Variants in MACROD2 observed in about 807,000 individuals in gnomAD.
MACROD2 encodes the protein mono-ADP ribosylhydrolase 2, also known as ADP-ribose glycohydrolase MACROD2.
Under a neutral mutation model 70.4 loss-of-function variants are expected in MACROD2, and 36 were observed. The ratio of observed to expected loss-of-function variants is 0.51; its 90% confidence interval spans 0.39 to 0.68. MACROD2 has a LOEUF of 0.68. Among genes scored for constraint, MACROD2 ranks in the 30% least tolerant of loss-of-function variants. MACROD2 has a pLI of 0.00. For missense variants in MACROD2, 496 were observed against 538.4 expected (o/e 0.92, Z 0.78); for synonymous variants, 172 against 178.8 (o/e 0.96, Z 0.30).
chr20:15,207,496 G>A (rs145637779), intron 5 of MACROD2, among the ~76,000 whole-genome samples: 3,335 of 134,334 alleles, frequency 0.025, 132 homozygotes, highest in African/African-American at 0.093. Flanking sequence ...AGGCTGCAGT[G>A]CAGTGGCATG....
intron 5 of MACROD2, among the ~76,000 whole-genome samples, chr20:14,819,806 T>C (rs192918160): frequency 2.8e-4 from 42 of 152,160 alleles, no homozygotes; most frequent in African/African-American, 1.0e-3. Flanking sequence ...TATTCTAGCA[T>C]TGAAAGGACA....
chr20:15,088,656 A>G (rs890673638), intron 5 of MACROD2, among the ~76,000 whole-genome samples: 3 of 151,658 alleles, frequency 2.0e-5, no homozygotes, highest in Admixed American at 2.0e-4. Flanking sequence ...TGACTGGAAG[A>G]GAGTTGCTGG....
chr20:14,759,743 G>A (rs572162855), intron 5 of MACROD2, among the ~76,000 whole-genome samples: 4 of 152,196 alleles, frequency 2.6e-5, no homozygotes, highest in South Asian at 4.1e-4. Context: ...ACGTAGATAC[G>A]CAGGTTCTTG....
At chr20:16,027,621 C>T (rs1227570696) in intron 15 of MACROD2, among the ~76,000 whole-genome samples, 5 of 152,120 alleles carry the variant, frequency 3.3e-5, no homozygotes, top group Admixed American at 3.3e-4. Context: ...ACATAAAGAA[C>T]CATTGAAAAG....
At chr20:14,117,642 A>G (rs2054532766) in intron 3 of MACROD2, among the ~76,000 whole-genome samples, 1 of 152,156 alleles carries the variant, frequency 6.6e-6, no homozygotes, top group Non-Finnish European at 1.5e-5. Flanking sequence ...TGGTATGTGT[A>G]GGCTAAGGAG....
intron 6 of MACROD2, among the ~76,000 whole-genome samples, chr20:15,233,822 A>G (rs922557460): frequency 6.6e-6 from 1 of 150,782 alleles, no homozygotes; most frequent in African/African-American, 2.4e-5. Flanking sequence ...AAATCGTTTC[A>G]ATTGAAAAAA....
At chr20:14,575,889 T>C (rs1446460426) in intron 4 of MACROD2, among the ~76,000 whole-genome samples, 1 of 152,214 alleles carries the variant, frequency 6.6e-6, no homozygotes, top group East Asian at 1.9e-4. Context: ...AATATTTATC[T>C]TTCTGTCGAA....
rs138013628 is a variant in MACROD2, at chr20:14,115,376, A to G, written c.271+29648A>G. Among the ~76,000 whole-genome samples, 12 of 152,284 alleles carry G rather than the reference A, an allele frequency of 7.9e-5. No individual in the cohort carries two copies. The East Asian group carries it at 2.1e-3, about 27-fold the overall frequency. On this transcript the variant is annotated intron_variant, in intron 3 of 17. Coordinates refer to ENST00000684519, the MANE Select transcript of MACROD2 (RefSeq NM_001351661.2). ...TACTATTTATTACTCCTCATTATTT[A>G]ATAAAGTGTCCCATGTACTATGCAA...
At chr20:15,644,937 C>T (rs934012722) in intron 8 of MACROD2, among the ~76,000 whole-genome samples, 7 of 152,196 alleles carry the variant, frequency 4.6e-5, no homozygotes, top group African/African-American at 1.2e-4. Context: ...GATCCACCTG[C>T]CTCAGCCTCC....
intron 5 of MACROD2, among the ~76,000 whole-genome samples, chr20:15,060,551 A>G (rs1472955692): frequency 2.0e-5 from 3 of 152,032 alleles, no homozygotes; most frequent in Non-Finnish European, 4.4e-5. Context: ...GATTGACTGG[A>G]TGGTGACTTC....
chr20:14,102,848 T>G (rs1244667426), intron 3 of MACROD2, among the ~76,000 whole-genome samples: 12 of 151,642 alleles, frequency 7.9e-5, no homozygotes, highest in Admixed American at 7.9e-4. Flanking sequence ...AAGAACTTTT[T>G]TTTTTGAAGT....
At chr20:14,974,044 T>A (rs2074715936) in intron 5 of MACROD2, among the ~76,000 whole-genome samples, 1 of 151,894 alleles carries the variant, frequency 6.6e-6, no homozygotes, top group Non-Finnish European at 1.5e-5. Flanking sequence ...CCTGGAAGAG[T>A]TTGGAAATTG....
chr20:14,668,590 A>G (rs750202839), intron 4 of MACROD2, among the ~76,000 whole-genome samples: 56 of 152,192 alleles, frequency 3.7e-4, no homozygotes, highest in Non-Finnish European at 5.7e-4. Context: ...AAATAGTTCT[A>G]TAATTAATTT....
At chr20:14,966,249 A>G (rs1235000514) in intron 5 of MACROD2, among the ~76,000 whole-genome samples, 2 of 152,166 alleles carry the variant, frequency 1.3e-5, no homozygotes, top group Non-Finnish European at 2.9e-5. Flanking sequence ...TATGTCATAT[A>G]GTAAAGCATG....
intron 5 of MACROD2, among the ~76,000 whole-genome samples, chr20:14,854,455 G>A (rs1288858284): frequency 6.6e-6 from 1 of 152,026 alleles, no homozygotes; most frequent in Non-Finnish European, 1.5e-5. Context: ...TGGACTTAAC[G>A]CCTGGAATGT....
intron 8 of MACROD2, among the ~76,000 whole-genome samples, chr20:15,842,468 C>T (rs1472665698): frequency 5.1e-5 from 7 of 137,446 alleles, no homozygotes; most frequent in East Asian, 2.1e-4. Flanking sequence ...TTTTTTTCAT[C>T]TTTTTTTTTT....
intron 8 of MACROD2, among the ~76,000 whole-genome samples, chr20:15,681,756 G>A (rs535398515): frequency 2.0e-5 from 3 of 152,232 alleles, no homozygotes; most frequent in South Asian, 2.1e-4. Flanking sequence ...TCATCGTGAC[G>A]ACTTCTATGT....
intron 8 of MACROD2, among the ~76,000 whole-genome samples, chr20:15,674,719 G>A (rs994182843): frequency 1.4e-5 from 2 of 147,756 alleles, no homozygotes; most frequent in Middle Eastern, 3.5e-3. Flanking sequence ...TAGCCAAAAA[G>A]TGTGTTTGTG....
chr20:15,302,229 TCATTC>T (rs2077651934), intron 6 of MACROD2, among the ~76,000 whole-genome samples: 1 of 152,146 alleles, frequency 6.6e-6, no homozygotes, highest in African/African-American at 2.4e-5. Flanking sequence ...TTTCTGAAGG[TCATTC>T]CTTTGACATC....
Sources: allele counts gnomAD v4.1 joint callset (sites outside exome capture counted in the v4.1 genomes callset), GRCh38; gene constraint gnomAD v4.1.1; transcripts MANE v1.5; gene names NCBI Gene and HGNC (gene_info 2026-07-23, HGNC 2026-07-21).